MAP3K3: variants seen among roughly 807,000 people sequenced by gnomAD.
MAP3K3 encodes MAP/ERK kinase kinase 3.
A neutral mutation model predicts 80.9 loss-of-function variants in MAP3K3; 12 were observed. The observed-to-expected ratio is 0.15, with a 90% confidence interval of 0.10 to 0.24. MAP3K3 has a LOEUF of 0.24. Among genes scored for constraint, MAP3K3 ranks in the 10% least tolerant of loss-of-function variants. MAP3K3 has a pLI of 1.00. For synonymous variants in MAP3K3, 272 were observed against 307.1 expected (o/e 0.89, Z 1.19); for missense variants, 596 against 834.7 (o/e 0.71, Z 3.52).
chr17:63,685,111 G>A (rs973868541), intron 7 of MAP3K3, among the ~76,000 whole-genome samples: 3 of 152,172 alleles, frequency 2.0e-5, no homozygotes, highest in Non-Finnish European at 4.4e-5. Flanking sequence ...GTGAAATGAG[G>A]CAATCCTTGT....
intron 6 of MAP3K3, among the ~76,000 whole-genome samples, chr17:63,674,725 A>C (rs2035181940): frequency 6.6e-6 from 1 of 152,118 alleles, no homozygotes; most frequent in Admixed American, 6.5e-5. Flanking sequence ...GGAGGGGTTA[A>C]AGGTGATGAA....
intron 2 of MAP3K3, chr17:63,636,824 A>C (rs983287084): frequency 2.9e-6 from 1 of 340,942 alleles, no homozygotes; most frequent in African/African-American, 2.2e-5. Context: ...GTGGAGAAGA[A>C]GGCCAAGAAG....
chr17:63,689,796 G>A lies in MAP3K3; in HGVS notation c.1063+61G>A, dbSNP rs1293422792. 11 of 1,496,346 alleles carry A rather than the reference G, an allele frequency of 7.4e-6. No individual in the cohort carries two copies. In the East Asian group the frequency reaches 2.4e-4, roughly 33 times the overall value. The allele number at this position is 1,496,346 out of a possible 1,614,324, so 92.7% of individuals were successfully genotyped here. ...AGGTGGTCTCAGACAAGCTACGGGG[G>A]CAAACAGCTGGGCCCCTGGGACCCT... On this transcript the variant is annotated intron_variant, in intron 11 of 15. Transcript: ENST00000361733. This position sits in a 1 kb window ranked among gnomAD's most constrained non-coding sequence, Gnocchi z 4.3.
intron 3 of MAP3K3, among the ~76,000 whole-genome samples, chr17:63,650,349 TG>T (rs1172666169): frequency 6.6e-6 from 1 of 152,228 alleles, no homozygotes; most frequent in East Asian, 1.9e-4. Context: ...TTGCCCAGGC[TG>T]GAGTGCAGTG....
At chr17:63,676,595 G>A (rs1179129633) in intron 6 of MAP3K3, among the ~76,000 whole-genome samples, 2 of 152,226 alleles carry the variant, frequency 1.3e-5, no homozygotes, top group Non-Finnish European at 2.9e-5. Context: ...TTGTGCAGAG[G>A]AGAACCCACT....
chr17:63,642,431 G>A (rs547654341), intron 2 of MAP3K3, among the ~76,000 whole-genome samples: 1 of 152,074 alleles, frequency 6.6e-6, no homozygotes, highest in Non-Finnish European at 1.5e-5. Flanking sequence ...AGGCCAAGGC[G>A]GGTGGATCAC....
At chr17:63,675,803 G>A (rs2143520453) in intron 6 of MAP3K3, among the ~76,000 whole-genome samples, 1 of 152,340 alleles carries the variant, frequency 6.6e-6, no homozygotes, top group Middle Eastern at 3.4e-3. Flanking sequence ...AAGAAAGCCT[G>A]TGACCCCTGC....
intron 6 of MAP3K3, among the ~76,000 whole-genome samples, chr17:63,669,756 C>T (rs898600345): frequency 1.3e-5 from 2 of 151,930 alleles, no homozygotes; most frequent in African/African-American, 4.8e-5. Flanking sequence ...CTCAACCTAT[C>T]ATGTTGTCTT....
At chr17:63,656,440 TA>T (rs570222627) in intron 4 of MAP3K3, among the ~76,000 whole-genome samples, 3,847 of 135,384 alleles carry the variant, frequency 0.028, 59 homozygotes, top group Non-Finnish European at 0.042. Flanking sequence ...CAGTCTCTAC[TA>T]AAAAAAAAAA....
chr17:63,643,185 T>C (rs1203885748), intron 2 of MAP3K3, among the ~76,000 whole-genome samples: 1 of 151,978 alleles, frequency 6.6e-6, no homozygotes, highest in Non-Finnish European at 1.5e-5. Flanking sequence ...AAAAGAAATA[T>C]ACCATACTAA....
intron 7 of MAP3K3, among the ~76,000 whole-genome samples, chr17:63,684,441 T>C (rs906147682): frequency 6.6e-6 from 1 of 152,208 alleles, no homozygotes; most frequent in African/African-American, 2.4e-5. Flanking sequence ...CTTAGCAACA[T>C]TTGCAGTTTT....
At position 63,650,658 on chromosome 17, in the gene MAP3K3, TAGAGAGAGAGAG is replaced by T. The variant is rs61412799; in HGVS notation, c.168-1872_168-1861del. ...AGACCTTCTCTCTCTCTGTCTCTTA[TAGAGAGAGAGAG>T]AGAGAGAGAGAGAGAGAGAGAGAGA... On this transcript the variant is annotated intron_variant, in intron 3 of 15. Transcript: ENST00000361733. Among the ~76,000 whole-genome samples, 567 of 117,274 alleles carry T rather than the reference TAGAGAGAGAGAG, an allele frequency of 4.8e-3. 4 individuals are homozygous for T. Among genetic ancestry groups the T allele is most frequent in the African/African-American group, 0.011 (340 of 30,388 alleles). The allele number at this position is 117,274 out of a possible 152,430, so 76.9% of individuals were successfully genotyped here. A position where few individuals can be genotyped will look rare whatever the true frequency, so the allele number is the denominator to read the frequency against.
intron 4 of MAP3K3, among the ~76,000 whole-genome samples, chr17:63,654,822 G>A (rs2034731176): frequency 6.6e-6 from 1 of 152,154 alleles, no homozygotes. Flanking sequence ...CAGATCACGA[G>A]GTCAGGAGTT....
At chr17:63,674,338 G>A (rs2035172926) in intron 6 of MAP3K3, among the ~76,000 whole-genome samples, 1 of 152,122 alleles carries the variant, frequency 6.6e-6, no homozygotes, top group South Asian at 2.1e-4. Flanking sequence ...GCCAAGGTGG[G>A]TGGATTGCTT....
chr17:63,658,306 C>T (rs1465675684), intron 5 of MAP3K3, among the ~76,000 whole-genome samples: 1 of 152,182 alleles, frequency 6.6e-6, no homozygotes, highest in Admixed American at 6.5e-5. Context: ...AACCCAACTC[C>T]CACAACACCT....
intron 5 of MAP3K3, among the ~76,000 whole-genome samples, chr17:63,664,524 T>G (rs1260784723): frequency 6.6e-6 from 1 of 152,202 alleles, no homozygotes; most frequent in Non-Finnish European, 1.5e-5. Flanking sequence ...CTTGCCAGAT[T>G]TTTTATTGAG....
intron 4 of MAP3K3, among the ~76,000 whole-genome samples, chr17:63,654,321 C>T (rs902617758): frequency 5.9e-5 from 9 of 152,286 alleles, no homozygotes; most frequent in African/African-American, 9.6e-5. Flanking sequence ...TCATACAGTA[C>T]GTGACCTTTT....
At chr17:63,666,516 T>G (rs918122891) in intron 5 of MAP3K3, among the ~76,000 whole-genome samples, 2 of 152,116 alleles carry the variant, frequency 1.3e-5, no homozygotes, top group Non-Finnish European at 2.9e-5. Flanking sequence ...CAGAATTTTG[T>G]TGGGGAGGGA....
chr17:63,689,059 T>C lies in MAP3K3; in HGVS notation c.871+178T>C. 1.7e-6 allele frequency: 1 copy of C among 605,212 alleles called. No homozygotes were observed. Among genetic ancestry groups the C allele is most frequent in the African/African-American group, 1.9e-5 (1 of 54,012 alleles). 37.5% of individuals were successfully genotyped at this position (605,212 alleles called of 1,614,324 possible). A position where few individuals can be genotyped will look rare whatever the true frequency, so the allele number is the denominator to read the frequency against. On this transcript the variant is annotated intron_variant, in intron 10 of 15. Coordinates refer to ENST00000361733, the MANE Select transcript of MAP3K3 (RefSeq NM_002401.5). The surrounding 1 kb of genome is among the most constrained non-coding windows in gnomAD (Gnocchi z 4.3). The stretch of plus-strand genomic sequence containing the variant: ...AAAACAAAAACAGGGAAGATAGTAT[T>C]TGTAGACCAGATGCTGCCACTGGGA...
Sources: gnomAD v4.1 joint callset for allele counts (sites outside exome capture counted in the v4.1 genomes callset) on GRCh38, gnomAD v4.1.1 for gene constraint, Gnocchi (gnomAD v3.1) non-coding constraint, MANE v1.5 for transcripts, NCBI Gene and HGNC (gene_info 2026-07-23, HGNC 2026-07-21) for gene names.